GTSF1: variants seen among roughly 807,000 people sequenced by gnomAD.
GTSF1 encodes the protein gametocyte specific factor 1.
A neutral mutation model predicts 28.9 loss-of-function variants in GTSF1; 11 were observed. The observed-to-expected ratio is 0.38, with a 90% CI of 0.24 to 0.63. GTSF1 has a LOEUF of 0.63. Among genes scored for constraint, GTSF1 ranks in the 30% least tolerant of loss-of-function variants. The pLI is 0.56. For synonymous variants in GTSF1, 69 were observed against 65.6 expected (o/e 1.05, Z -0.25); for missense variants, 146 against 201.0 (o/e 0.73, Z 1.66).
intron 2 of GTSF1, among the ~76,000 whole-genome samples, chr12:54,469,646 C>T (rs2120798773): frequency 6.8e-6 from 1 of 147,066 alleles, no homozygotes; most frequent in Non-Finnish European, 1.5e-5. Context: ...TGAGATCATA[C>T]CACTGCACTC....
rs376132487 is a variant in GTSF1, at chr12:54,465,001, A to G, written c.117+66T>C. The G allele has an allele frequency of 2.7e-5, 24 of 893,974 alleles. No individual in the cohort carries two copies. In the East Asian group the frequency reaches 2.7e-4, roughly 10 times the overall value. The allele number at this position is 893,974 out of a possible 1,614,324, so 55.4% of individuals were successfully genotyped here. A position where few individuals can be genotyped will look rare whatever the true frequency, so the allele number is the denominator to read the frequency against. On this transcript the variant is annotated intron_variant, in intron 3 of 8. Transcript: ENST00000305879. Reference sequence around the variant, plus strand: ...AATTAAAACATGATAAAATTATTTGATATTTATAAAATATGGCCTTTTAAA... The same window carrying G: ...AATTAAAACATGATAAAATTATTTGGTATTTATAAAATATGGCCTTTTAAA...
At chr12:54,462,802 A>C (rs1376176777) in intron 4 of GTSF1, 77 bp from the exon 5 acceptor site, 1 of 1,166,380 alleles carries the variant, frequency 8.6e-7, no homozygotes, top group East Asian at 2.4e-5. Flanking sequence ...GTAGCTTAAA[A>C]GGTTGCAAGG....
chr12:54,462,634 C>T lies in GTSF1; in HGVS notation c.328+8G>A, dbSNP rs1357493869. 2 of 1,605,482 alleles carry T rather than the reference C, an allele frequency of 1.2e-6. No individual in the cohort carries two copies. The highest frequency in any genetic ancestry group is 4.5e-5 in the East Asian group (2 of 44,820). The stretch of plus-strand genomic sequence containing the variant: ...CATTGTGAAGAAAAAGATGTAGAGG[C>T]AGCTCACCTTTATCCCAGTCTTCAT... On this transcript the variant is annotated splice_region_variant and intron_variant, in intron 5 of 8. Coordinates refer to ENST00000305879, the MANE Select transcript of GTSF1 (RefSeq NM_144594.3).
intron 3 of GTSF1, chr12:54,464,866 A>G (rs1173675742): frequency 5.1e-6 from 2 of 395,112 alleles, no homozygotes; most frequent in African/African-American, 2.0e-5. Flanking sequence ...TCACTAGTTA[A>G]TGGGAAGAAA....
At chr12:54,461,620 T>A (rs559514368) in intron 6 of GTSF1, among the ~76,000 whole-genome samples, 3 of 152,232 alleles carry the variant, frequency 2.0e-5, no homozygotes, top group East Asian at 3.9e-4. Flanking sequence ...TCCAGCCTGG[T>A]TGACAGAGTC....
chr12:54,462,106 T>C lies in GTSF1; in HGVS notation c.392+3A>G, dbSNP rs1358268169. ...AATGCTGGGATAAGACTATTTCATT[T>C]ACCTGTTGTTGTCAGAGTAGTGAGT... On this transcript the variant is annotated splice_donor_region_variant and intron_variant, in intron 6 of 8. Coordinates refer to ENST00000305879, the MANE Select transcript of GTSF1 (RefSeq NM_144594.3). The C allele has an allele frequency of 6.2e-7, 1 of 1,609,722 alleles. No individual in the cohort carries two copies.
At chr12:54,459,722 CT>C (rs760438714) in intron 7 of GTSF1, 8,931 of 133,258 alleles carry the variant, frequency 0.067, 467 homozygotes, top group South Asian at 0.14. Flanking sequence ...GATATTATGC[CT>C]TTTTTTTTTT....
intron 8 of GTSF1, among the ~76,000 whole-genome samples, chr12:54,457,253 A>G (rs889073448): frequency 1.3e-5 from 2 of 152,218 alleles, no homozygotes; most frequent in Non-Finnish European, 2.9e-5. Context: ...AACCATAAAG[A>G]GTTAAGTCCC....
intron 6 of GTSF1, among the ~76,000 whole-genome samples, chr12:54,460,786 GATAAA>G (rs1413260264): frequency 6.6e-6 from 1 of 152,164 alleles, no homozygotes; most frequent in South Asian, 2.1e-4. Context: ...AAACGTAAGA[GATAAA>G]ATAAAGTGCT....
chr12:54,471,760 C>T (rs1174142565), intron 1 of GTSF1: 1 of 152,384 alleles, frequency 6.6e-6, no homozygotes, highest in Non-Finnish European at 1.5e-5. Flanking sequence ...TCGCTCACAC[C>T]TGTAATCCTA....
chr12:54,462,683 C>G lies in GTSF1; in HGVS notation c.287G>C (p.Ser96Thr), dbSNP rs1421645790. 4.3e-6 allele frequency: 7 copies of G among 1,613,972 alleles called. No individual in the cohort carries two copies. Among genetic ancestry groups the G allele is most frequent in the Non-Finnish European group, 5.9e-6 (7 of 1,179,978 alleles). Reference protein sequence around the residue: ...RSLRQETLAESTWQCPPCDED... With the variant: ...RSLRQETLAETTWQCPPCDED... ...ATCGCAAGGAGGGCACTGCCAAGTG[C>G]TCTCAGCCAGAGTCTCTTGTCTAAG... The change falls in exon 5 of 9, where the codon AGC becomes ACC. Residue 96 changes from serine to threonine, a missense_variant. Transcript: ENST00000305879.
chr12:54,465,298 T>A, intron 2 of GTSF1, 131 bp from the exon 3 acceptor site: 1 of 504,008 alleles, frequency 2.0e-6, no homozygotes, highest in Non-Finnish European at 3.6e-6. Context: ...AAAACTTGGA[T>A]TAAAAAAAAA....
At chr12:54,465,046 G>T (rs1237563499) in intron 3 of GTSF1, 21 bp downstream of exon 3, 1 of 1,526,800 alleles carries the variant, frequency 6.5e-7, no homozygotes. Context: ...GAGGGTGTTA[G>T]AGGGCAAATT....
At chr12:54,472,941 T>C (rs1956608819) in intron 1 of GTSF1, among the ~76,000 whole-genome samples, 2 of 152,182 alleles carry the variant, frequency 1.3e-5, no homozygotes, top group South Asian at 2.1e-4. Flanking sequence ...AAGAACCAAG[T>C]ATGTTTCTTG....
chr12:54,458,994 C>A, intron 8 of GTSF1, 95 bp downstream of exon 8: 3 of 794,602 alleles, frequency 3.8e-6, no homozygotes, highest in Non-Finnish European at 6.2e-6. Context: ...AATTTGGTAC[C>A]ATAATCTGAA....
In GTSF1 at chr12:54,471,354, T is replaced by C; in HGVS notation, c.-29-77A>G. The C allele has an allele frequency of 3.0e-6, 3 of 991,316 alleles. No individual in the cohort carries two copies. The South Asian group carries it at 5.2e-5, about 17-fold the overall frequency. The allele number at this position is 991,316 out of a possible 1,614,324, so 61.4% of individuals were successfully genotyped here. ...AGGTAACCCTAAGAAGTGGAGTCAC[T>C]TCTGGATTTGAAACTACCCAAGTTC... is the stretch of plus-strand genomic sequence containing the variant. On this transcript the variant is annotated intron_variant, in intron 1 of 8. Transcript: ENST00000305879.
Position 54,462,695 on chromosome 12 carries a change from G to C in GTSF1, c.275C>G (p.Thr92Ser). 1 of 1,614,078 alleles carries C rather than the reference G, an allele frequency of 6.2e-7. No homozygotes were observed. The highest frequency in any genetic ancestry group is 8.5e-7 in the Non-Finnish European group (1 of 1,179,952). Residue 92 changes from threonine (T) to serine (S), a missense_variant, in exon 5 of 9, where the codon ACT (threonine) becomes AGT (serine). Thr to Ser is a moderately conservative substitution (Grantham distance 58, BLOSUM62 1). Transcript: ENST00000305879. Reference protein sequence around the residue: ...VNQTRSLRQETLAESTWQCPP... With the variant: ...VNQTRSLRQESLAESTWQCPP... Reference sequence around the variant, plus strand: ...GCACTGCCAAGTGCTCTCAGCCAGAGTCTCTTGTCTAAGGCTCCTGGTTTG... The same window carrying C: ...GCACTGCCAAGTGCTCTCAGCCAGACTCTCTTGTCTAAGGCTCCTGGTTTG...
At chr12:54,456,895 GC>G (rs1287648991) in intron 8 of GTSF1, among the ~76,000 whole-genome samples, 1 of 152,136 alleles carries the variant, frequency 6.6e-6, no homozygotes, top group Non-Finnish European at 1.5e-5. Context: ...GACTGGCCTG[GC>G]CAACATGGTG....
chr12:54,463,427 G>C, intron 3 of GTSF1, 130 bp from the exon 4 acceptor site: 1 of 733,180 alleles, frequency 1.4e-6, no homozygotes, highest in South Asian at 1.8e-5. Context: ...ACTATAACAA[G>C]TAAACTCAGA....
Sources: allele counts gnomAD v4.1 joint callset (sites outside exome capture counted in the v4.1 genomes callset), GRCh38; gene constraint gnomAD v4.1.1; transcripts MANE v1.5; gene names NCBI Gene and HGNC (gene_info 2026-07-23, HGNC 2026-07-21).